GAK: variants seen among roughly 807,000 people sequenced by gnomAD.
GAK encodes cyclin G associated kinase, also known as cyclin-G-associated kinase.
In GAK, 79 loss-of-function variants were observed where a neutral mutation model predicts 143.9. The observed-to-expected ratio is 0.55, with a 90% CI of 0.46 to 0.66. The LOEUF is 0.66. Ranked by LOEUF, GAK falls within the 30% of genes least tolerant of loss-of-function variation. The pLI, the probability that GAK is intolerant of heterozygous loss-of-function variation, is 0.00. For missense variants in GAK, 1,693 were observed against 1,779.7 expected (o/e 0.95, Z 0.88); for synonymous variants, 881 against 765.5 (o/e 1.15, Z -2.49).
Position 932,309 on chromosome 4 carries a change from C to G in GAK, c.-122G>C. 1.5e-6 allele frequency: 2 copies of G among 1,378,510 alleles called. No individual in the cohort carries two copies. Among genetic ancestry groups the G allele is most frequent in the Non-Finnish European group, 1.9e-6 (2 of 1,073,396 alleles). The allele number at this position is 1,378,510 out of a possible 1,614,324, so 85.4% of individuals were successfully genotyped here. On this transcript the variant is annotated 5_prime_UTR_variant, in exon 1 of 28. Coordinates refer to ENST00000314167, the MANE Select transcript of GAK (RefSeq NM_005255.4). The surrounding 1 kb of genome is among the most constrained non-coding windows in gnomAD (Gnocchi z 4.0). ...AGGTGCACCATCTTCCGCCTCGACGCCGTGACGTAGGCGCCCGTGAGGACG... is the reference window on the plus strand; with the variant it reads ...AGGTGCACCATCTTCCGCCTCGACGGCGTGACGTAGGCGCCCGTGAGGACG...
chr4:860,092 T>C (rs962817402), intron 23 of GAK, among the ~76,000 whole-genome samples: 1 of 152,184 alleles, frequency 6.6e-6, no homozygotes, highest in Admixed American at 6.5e-5. Flanking sequence ...AATCATAAAA[T>C]ACAGGCTGGG....
chr4:883,785 C>T (rs1362995941), intron 12 of GAK, among the ~76,000 whole-genome samples: 1 of 152,242 alleles, frequency 6.6e-6, no homozygotes, highest in Non-Finnish European at 1.5e-5. Context: ...ACGGACACGG[C>T]CTTGTGTTGT....
chr4:851,272 AT>A (rs1161777631), intron 25 of GAK, 188 bp from the exon 26 acceptor site: 2 of 502,450 alleles, frequency 4.0e-6, no homozygotes, highest in Non-Finnish European at 7.2e-6. Context: ...TAATTTTTAC[AT>A]TTTTTGTAGA....
rs569051927 is a variant in GAK at position 912,973 on chromosome 4, C to G, written c.208-179G>C. 1.9e-4 allele frequency among the ~76,000 whole-genome samples: 29 copies of G among 152,342 alleles called. No individual in the cohort carries two copies. In the Middle Eastern group the frequency reaches 0.014, roughly 72 times the overall value. ...AAAAACGTGCTGGGGGTTCAAGACCCTCAAAAGATCTTTGTGATGCAAGGA... is the reference window on the plus strand; with the variant it reads ...AAAAACGTGCTGGGGGTTCAAGACCGTCAAAAGATCTTTGTGATGCAAGGA... On this transcript the variant is annotated intron_variant, in intron 2 of 27. Transcript: ENST00000314167.
At chr4:889,546 A>G (rs1717242093) in intron 10 of GAK, among the ~76,000 whole-genome samples, 1 of 151,914 alleles carries the variant, frequency 6.6e-6, no homozygotes, top group Non-Finnish European at 1.5e-5. Flanking sequence ...CAGCTCGAGG[A>G]CTCACCCTTC....
At chr4:883,682 G>A (rs1179648720) in intron 12 of GAK, among the ~76,000 whole-genome samples, 1 of 152,220 alleles carries the variant, frequency 6.6e-6, no homozygotes, top group East Asian at 1.9e-4. Flanking sequence ...CCGGTGGCTG[G>A]GACTTCCTGA....
At chr4:903,639 CA>C (rs1270388257) in intron 5 of GAK, among the ~76,000 whole-genome samples, 2 of 144,806 alleles carry the variant, frequency 1.4e-5, no homozygotes, top group Non-Finnish European at 3.0e-5. Flanking sequence ...CTGACACCAC[CA>C]GGGGACTGAG....
intron 24 of GAK, among the ~76,000 whole-genome samples, chr4:857,983 ACCT>A (rs2152708220): frequency 6.6e-6 from 1 of 150,742 alleles, no homozygotes; most frequent in African/African-American, 2.4e-5. Context: ...CTCCCTTGAG[ACCT>A]CCTCTCTGGC....
At chr4:890,946 A>ATTT (rs35262185) in intron 9 of GAK, among the ~76,000 whole-genome samples, 1 of 131,998 alleles carries the variant, frequency 7.6e-6, no homozygotes. Flanking sequence ...TCCAACCAAC[A>ATTT]TTTTTTTTTT....
chr4:863,131 G>A (rs1447389749), intron 23 of GAK, among the ~76,000 whole-genome samples: 1 of 152,220 alleles, frequency 6.6e-6, no homozygotes, highest in African/African-American at 2.4e-5. Context: ...ACAAGAGTTT[G>A]GGAGAAGCTG....
chr4:913,737 C>T, intron 1 of GAK, 69 bp from the exon 2 acceptor site: 2 of 1,271,588 alleles, frequency 1.6e-6, no homozygotes, highest in South Asian at 1.2e-5. Context: ...TTAAAAATAC[C>T]TTCACTAAGT....
chr4:912,376 C>G (rs1338323908), intron 3 of GAK: 1 of 370,248 alleles, frequency 2.7e-6, no homozygotes, highest in African/African-American at 2.1e-5. Context: ...CTGTGGGAGC[C>G]AGGCCATCTG....
Position 867,151 on chromosome 4 carries a change from C to T in GAK, c.2677G>A (p.Gly893Arg). 1.9e-6 allele frequency: 3 copies of T among 1,596,882 alleles called. No homozygotes were observed. The highest frequency in any genetic ancestry group is 2.2e-5 in the East Asian group (1 of 44,494). The change falls in exon 21 of 28, where the codon GGG becomes AGG. Residue 893 changes from glycine to arginine, a missense_variant. Gly to Arg is a moderately radical substitution (Grantham distance 125). This residue lies in a region of GAK where 822 missense variants were observed against 788.7 expected (regional missense o/e 1.04). Coordinates refer to ENST00000314167, the MANE Select transcript of GAK (RefSeq NM_005255.4). ...LLGLHSEVGAGPAVPPQACKA... is the reference protein window; with the variant it reads ...LLGLHSEVGARPAVPPQACKA... ...CAGGCCTGCGGGGGTACAGCTGGCC[C>T]TGCGCCCACCTCGGAGTGCAGGCCC...
In GAK at chr4:894,277, C is replaced by CT. The variant is rs535465544; in HGVS notation, c.742-269_742-268insA. 399 of 353,522 alleles carry CT rather than the reference C, an allele frequency of 1.1e-3. 1 individual carries two copies. The highest frequency in any genetic ancestry group is 2.4e-3 in the Middle Eastern group (3 of 1,238). 21.9% of individuals were successfully genotyped at this position (353,522 alleles called of 1,614,324 possible). ...GGGAGCGCAGGGGTGACGTTGGGGCCGTGGGGAGCGCAGGGGTGACGCCTG... is the reference window on the plus strand; with the variant it reads ...GGGAGCGCAGGGGTGACGTTGGGGCCTGTGGGGAGCGCAGGGGTGACGCCTG... On this transcript the variant is annotated intron_variant, in intron 7 of 27. Transcript: ENST00000314167.
At chr4:871,891 G>A (rs896506836) in intron 18 of GAK, among the ~76,000 whole-genome samples, 1 of 152,172 alleles carries the variant, frequency 6.6e-6, no homozygotes, top group African/African-American at 2.4e-5. Context: ...GCTCTCCAGC[G>A]GGCAGCAGGC....
chr4:911,939 G>C (rs1265142329), intron 3 of GAK, 152 bp from the exon 4 acceptor site: 4 of 604,432 alleles, frequency 6.6e-6, no homozygotes, highest in African/African-American at 5.6e-5. Flanking sequence ...ATGAGGGAGA[G>C]AGCAGTGGAC....
rs1288803311 is a variant in GAK at position 911,707 on chromosome 4, C to G, written c.348G>C (p.Gln116His). The G allele has an allele frequency of 6.2e-7, 1 of 1,613,948 alleles. No homozygotes were observed. Among genetic ancestry groups the G allele is most frequent in the Non-Finnish European group, 8.5e-7 (1 of 1,179,874 alleles). ...GCTCTGTGAGCAAGAGGAACTCAGC[C>G]TGCCCCGTGTCTGACTCCTCTTTTC... The part of the protein sequence containing the change: ...SIGKEESDTG[Q>H]AEFLLLTELC... Residue 116 changes from glutamine to histidine, a missense_variant, in exon 4 of 28, where the codon CAG becomes CAC. Coordinates refer to ENST00000314167, the MANE Select transcript of GAK (RefSeq NM_005255.4).
At chr4:882,881 T>G in intron 13 of GAK, 62 bp from the exon 14 acceptor site, 1 of 1,582,132 alleles carries the variant, frequency 6.3e-7, no homozygotes, top group Non-Finnish European at 8.6e-7. Flanking sequence ...CTTGGTCAGC[T>G]AGGAGGGACA....
At chr4:931,850 C>T (rs1368290602) in intron 1 of GAK, among the ~76,000 whole-genome samples, 193 bp downstream of exon 1, 1 of 152,196 alleles carries the variant, frequency 6.6e-6, no homozygotes, top group Admixed American at 6.5e-5. Flanking sequence ...CACCTACGCC[C>T]GCGCTATGAC....
Sources: gnomAD v4.1 joint callset for allele counts (sites outside exome capture counted in the v4.1 genomes callset) on GRCh38, gnomAD v4.1.1 for gene constraint, gnomAD v4.1.1 regional missense constraint, Gnocchi (gnomAD v3.1) non-coding constraint, MANE v1.5 for transcripts, NCBI Gene and HGNC (gene_info 2026-07-23, HGNC 2026-07-21) for gene names.